The following EYS variants were observed in gnomAD, a reference collection of about 807,000 sequenced individuals.
The protein encoded by EYS is EGF-like photoreceptor maintenance factor.
A neutral mutation model predicts 282.1 loss-of-function variants in EYS; 250 were observed. The ratio of observed to expected loss-of-function variants is 0.89; its 90% CI spans 0.80 to 0.98. The LOEUF (loss-of-function observed/expected upper bound fraction) is 0.98, where lower values mean the gene tolerates loss of function less well. EYS is among the 50% of genes least tolerant of loss of function. The probability of loss-of-function intolerance (pLI) is 0.00; values close to 1 mark genes in which losing one functional copy is unlikely to be tolerated. For missense variants in EYS, 4,016 were observed against 3,709.0 expected (o/e 1.08, Z -2.15); for synonymous variants, 1,355 against 1,282.9 (o/e 1.06, Z -1.20).
At chr6:64,862,468 T>C (rs1451316555) in intron 19 of EYS, among the ~76,000 whole-genome samples, 1 of 152,150 alleles carries the variant, frequency 6.6e-6, no homozygotes, top group East Asian at 1.9e-4. Flanking sequence ...TATTTCTAAA[T>C]TTTCCATTTG....
chr6:63,741,816 C>A (rs1343026576), intron 41 of EYS: 5 of 643,732 alleles, frequency 7.8e-6, no homozygotes, highest in Non-Finnish European at 1.4e-5. Context: ...AGCTCCAATC[C>A]TTTTTCCACA....
chr6:65,131,144 T>C (rs1290438791), intron 12 of EYS, among the ~76,000 whole-genome samples: 3 of 151,242 alleles, frequency 2.0e-5, no homozygotes. Context: ...CCTCTCTTAG[T>C]TACCTTTGTG....
intron 26 of EYS, among the ~76,000 whole-genome samples, chr6:64,501,685 G>A (rs1777049023): frequency 6.6e-6 from 1 of 152,080 alleles, no homozygotes; most frequent in Admixed American, 6.5e-5. Flanking sequence ...AAATTTTAAG[G>A]ACGTAAAACC....
intron 28 of EYS, among the ~76,000 whole-genome samples, chr6:64,390,927 A>C (rs547411241): frequency 1.2e-3 from 187 of 151,062 alleles, no homozygotes; most frequent in African/African-American, 4.4e-3. Flanking sequence ...AGAAGTGCTT[A>C]AAGGAGCTGA....
chr6:63,838,582 C>A (rs936495073), intron 36 of EYS, among the ~76,000 whole-genome samples: 5 of 152,124 alleles, frequency 3.3e-5, no homozygotes, highest in African/African-American at 1.2e-4. Flanking sequence ...CTGATTTAAA[C>A]CCTGTCTTTT....
chr6:63,960,750 A>C (rs1225353195), intron 35 of EYS, among the ~76,000 whole-genome samples: 1 of 152,258 alleles, frequency 6.6e-6, no homozygotes, highest in African/African-American at 2.4e-5. Flanking sequence ...AGCATTTTTT[A>C]GTAATAAAGT....
intron 19 of EYS, among the ~76,000 whole-genome samples, chr6:64,848,602 A>G (rs1444690416): frequency 6.6e-6 from 1 of 152,056 alleles, no homozygotes; most frequent in African/African-American, 2.4e-5. Flanking sequence ...TCCAATGAGA[A>G]TGGGAGGGGC....
chr6:64,017,635 G>A (rs114318081), intron 33 of EYS, among the ~76,000 whole-genome samples: 155 of 152,256 alleles, frequency 1.0e-3, no homozygotes, highest in Non-Finnish European at 1.2e-3. Context: ...ACAGGCCAGT[G>A]GAACTGTTTC....
intron 15 of EYS, among the ~76,000 whole-genome samples, chr6:64,935,645 A>C (rs2150089692): frequency 6.6e-6 from 1 of 151,878 alleles, no homozygotes; most frequent in Middle Eastern, 3.4e-3. Flanking sequence ...ACACTCTTCC[A>C]AAAACAAAAA....
intron 24 of EYS, among the ~76,000 whole-genome samples, chr6:64,600,939 T>C (rs1313782038): frequency 2.0e-5 from 3 of 152,142 alleles, no homozygotes; most frequent in South Asian, 2.1e-4. Flanking sequence ...TTCTTGCCAC[T>C]AGGACTGTTA....
chr6:65,228,907 G>T (rs1766697888), intron 12 of EYS, among the ~76,000 whole-genome samples: 1 of 151,986 alleles, frequency 6.6e-6, no homozygotes. Context: ...GATTCAGTGG[G>T]AAAGAGCATT....
intron 31 of EYS, among the ~76,000 whole-genome samples, chr6:64,212,893 AT>A (rs1483969326): frequency 6.6e-6 from 1 of 152,200 alleles, no homozygotes; most frequent in Non-Finnish European, 1.5e-5. Flanking sequence ...GATAAAGAAA[AT>A]TTGGTACCTA....
chr6:64,025,056 T>C (rs13216953), intron 33 of EYS, among the ~76,000 whole-genome samples: 46,434 of 151,930 alleles, frequency 0.31, 7,376 homozygotes, highest in Middle Eastern at 0.37. Flanking sequence ...CACCAAGCAG[T>C]GAGTACCATC....
chr6:65,607,853 A>G (rs1195694765), intron 2 of EYS, among the ~76,000 whole-genome samples: 3 of 152,042 alleles, frequency 2.0e-5, no homozygotes, highest in African/African-American at 4.8e-5. Flanking sequence ...TTAGAAAATT[A>G]CATTTCATCT....
chr6:65,066,961 G>T (rs927103787), intron 12 of EYS, among the ~76,000 whole-genome samples: 1 of 152,110 alleles, frequency 6.6e-6, no homozygotes, highest in Non-Finnish European at 1.5e-5. Flanking sequence ...AAACGACAGA[G>T]GAGAGAAAGG....
chr6:65,584,566 C>A lies in EYS; in HGVS notation c.-333+55212G>T, dbSNP rs550874910. 5.9e-5 allele frequency among the ~76,000 whole-genome samples: 9 copies of A among 151,836 alleles called. No individual in the cohort carries two copies. In the South Asian group the frequency reaches 1.9e-3, roughly 32 times the overall value. On this transcript the variant is annotated intron_variant, in intron 2 of 42. Coordinates refer to ENST00000503581, the MANE Select transcript of EYS (RefSeq NM_001142800.2). ...TTGAAGAATTAGTAACTTTTAGTTC[C>A]AACTGAATTATCCAGAATGTTCTAT...
chr6:64,511,130 C>A (rs1777380071), intron 26 of EYS, among the ~76,000 whole-genome samples: 1 of 150,632 alleles, frequency 6.6e-6, no homozygotes, highest in South Asian at 2.1e-4. Flanking sequence ...TCACTAAAAT[C>A]AATGATAATT....
At chr6:64,785,934 T>C (rs536220597) in intron 22 of EYS, among the ~76,000 whole-genome samples, 1 of 152,324 alleles carries the variant, frequency 6.6e-6, no homozygotes, top group Non-Finnish European at 1.5e-5. Context: ...AATGTCCTCC[T>C]ATGTGCCAGT....
At chr6:65,032,065 A>AAAAC (rs771849245) in intron 13 of EYS, among the ~76,000 whole-genome samples, 14 of 152,164 alleles carry the variant, frequency 9.2e-5, no homozygotes, top group African/African-American at 3.1e-4. Context: ...GATAAAAACA[A>AAAAC]AAACAAACAA....
Sources: gnomAD v4.1 joint callset for allele counts (sites outside exome capture counted in the v4.1 genomes callset) on GRCh38, gnomAD v4.1.1 for gene constraint, MANE v1.5 for transcripts, NCBI Gene and HGNC (gene_info 2026-07-23, HGNC 2026-07-21) for gene names.